Variants in NCOA1 observed in about 807,000 individuals in gnomAD.
NCOA1 encodes the protein nuclear receptor coactivator 1.
Under a neutral mutation model 150.9 loss-of-function variants are expected in NCOA1, and 35 were observed. The ratio of observed to expected loss-of-function variants is 0.23; its 90% CI spans 0.18 to 0.31. The LOEUF is 0.31. NCOA1 is among the 10% of genes least tolerant of loss of function. The pLI, the probability that NCOA1 is intolerant of heterozygous loss-of-function variation, is 1.00. For synonymous variants in NCOA1, 590 were observed against 630.0 expected (o/e 0.94, Z 0.95); for missense variants, 1,491 against 1,749.3 (o/e 0.85, Z 2.63).
chr2:24,704,780 A>G (rs1326563746), intron 11 of NCOA1, among the ~76,000 whole-genome samples: 2 of 151,954 alleles, frequency 1.3e-5, no homozygotes, highest in African/African-American at 4.8e-5. Context: ...CTCAAAAGAA[A>G]AAAAAAAAAA....
At chr2:24,751,876 A>G in intron 19 of NCOA1, 106 bp from the exon 20 acceptor site, 1 of 1,086,094 alleles carries the variant, frequency 9.2e-7, no homozygotes, top group South Asian at 1.9e-5. Flanking sequence ...GGCAAATAAG[A>G]AAGTTATTTG....
At chr2:24,569,747 G>A (rs1443463834) in intron 2 of NCOA1, among the ~76,000 whole-genome samples, 1 of 150,614 alleles carries the variant, frequency 6.6e-6, no homozygotes, top group Non-Finnish European at 1.5e-5. Flanking sequence ...GCAGGCGCCC[G>A]TAATCCCAGC....
At chr2:24,556,828 C>T (rs1212152392) in intron 1 of NCOA1, among the ~76,000 whole-genome samples, 1 of 152,042 alleles carries the variant, frequency 6.6e-6, no homozygotes, top group African/African-American at 2.4e-5. Context: ...GGCGATTCCC[C>T]AAAGACCTAG....
chr2:24,624,826 T>C (rs1669335039), intron 3 of NCOA1, among the ~76,000 whole-genome samples: 1 of 152,168 alleles, frequency 6.6e-6, no homozygotes, highest in Non-Finnish European at 1.5e-5. Flanking sequence ...TTGGGGTGGA[T>C]GCATGAATTG....
chr2:24,625,364 CAAAAAAAA>C (rs35143423), intron 3 of NCOA1, among the ~76,000 whole-genome samples: 15 of 82,184 alleles, frequency 1.8e-4, no homozygotes, highest in Non-Finnish European at 3.8e-4. Flanking sequence ...GACTCTGCCT[CAAAAAAAA>C]AAAAAAAAAA....
At chr2:24,716,446 A>C (rs1036783020) in intron 14 of NCOA1, among the ~76,000 whole-genome samples, 1 of 152,182 alleles carries the variant, frequency 6.6e-6, no homozygotes, top group African/African-American at 2.4e-5. Context: ...AAGGTAATTA[A>C]ACAAAGAATA....
Position 24,558,323 on chromosome 2 carries a change from C to T in NCOA1, c.-395-5972C>T, listed in dbSNP as rs562512494. ...GGAAAACTGTATTAGTCCATTTTCA[C>T]GCTGCTGATAAAGACATACCCGAGA... On this transcript the variant is annotated intron_variant, in intron 1 of 22. Transcript: ENST00000348332. Among the ~76,000 whole-genome samples, 30 of 152,224 alleles carry T rather than the reference C, an allele frequency of 2.0e-4. No homozygotes were observed. The South Asian group carries it at 2.1e-3, about 11-fold the overall frequency.
At chr2:24,494,779 T>C (rs1663129708) in intron 1 of NCOA1, among the ~76,000 whole-genome samples, 1 of 152,150 alleles carries the variant, frequency 6.6e-6, no homozygotes, top group Non-Finnish European at 1.5e-5. Flanking sequence ...TGCAGAACCG[T>C]ATAAATTTCT....
intron 3 of NCOA1, among the ~76,000 whole-genome samples, chr2:24,640,604 TCAAGACCAGCCTGGG>T (rs535112243): frequency 9.7e-4 from 148 of 152,254 alleles, no homozygotes; most frequent in Non-Finnish European, 1.7e-3. Flanking sequence ...GCCTGGGAGC[TCAAGACCAGCCTGGG>T]CAAGACCCCA....
At chr2:24,724,080 T>TTTTTGTTTTG (rs200648819) in intron 14 of NCOA1, among the ~76,000 whole-genome samples, 4,079 of 151,730 alleles carry the variant, frequency 0.027, 107 homozygotes, top group African/African-American at 0.068. Context: ...TTTTGTTTGT[T>TTTTTGTTTTG]TTTTGTTTTG....
chr2:24,705,210 C>T lies in NCOA1; in HGVS notation c.1074C>T (p.Ile358=). The T allele has an allele frequency of 1.2e-6, 2 of 1,613,914 alleles. No individual in the cohort carries two copies. Among genetic ancestry groups the T allele is most frequent in the Non-Finnish European group, 1.7e-6 (2 of 1,179,802 alleles). Residue 358 remains isoleucine, a synonymous_variant, in exon 12 of 23, where the codon ATC becomes ATT. Transcript: ENST00000348332. ...AAAGTCCAGACATGCAACCTTTCAT[C>T]ATGGGAATTCATATCATCGACAGGT... ...YPQSPDMQPF[I]MGIHIIDREH... is the part of the protein sequence containing the mutation.
intron 1 of NCOA1, among the ~76,000 whole-genome samples, chr2:24,562,515 A>G (rs1666329384): frequency 6.6e-6 from 1 of 152,208 alleles, no homozygotes; most frequent in Non-Finnish European, 1.5e-5. Flanking sequence ...CCTCGATTCC[A>G]TTCCACCCCT....
intron 3 of NCOA1, among the ~76,000 whole-genome samples, chr2:24,635,778 T>C: frequency 6.6e-6 from 1 of 152,216 alleles, no homozygotes; most frequent in East Asian, 1.9e-4. Context: ...CTAATCTAAC[T>C]ATAAATCCCT....
At chr2:24,659,756 TG>T (rs1382831310) in intron 5 of NCOA1, among the ~76,000 whole-genome samples, 1 of 152,102 alleles carries the variant, frequency 6.6e-6, no homozygotes, top group African/African-American at 2.4e-5. Flanking sequence ...TTTTTTGTTG[TG>T]GGGGAGCTGT....
In NCOA1 at chr2:24,673,587, A is replaced by G. The variant is rs1572573211; in HGVS notation, c.354+124A>G. 5 of 541,680 alleles carry G rather than the reference A, an allele frequency of 9.2e-6. 1 individual carries two copies. The East Asian group carries it at 1.8e-4, about 20-fold the overall frequency. 33.6% of individuals were successfully genotyped at this position (541,680 alleles called of 1,614,324 possible). On this transcript the variant is annotated intron_variant, in intron 7 of 22. Coordinates refer to ENST00000348332, the MANE Select transcript of NCOA1 (RefSeq NM_003743.5). ...AAAACAAAGTAAAGAACTTTTTATA[A>G]TTATTTTATTATGAGAACTATTTGA... is the stretch of plus-strand genomic sequence containing the variant.
chr2:24,561,511 G>A (rs1169971553), intron 1 of NCOA1, among the ~76,000 whole-genome samples: 5 of 152,264 alleles, frequency 3.3e-5, no homozygotes, highest in Non-Finnish European at 7.4e-5. Context: ...TACAAAGTTT[G>A]GAAAATTGTG....
rs772958180 is a variant in NCOA1, at chr2:24,705,045, G to C, written c.950-41G>C. Reference sequence around the variant, plus strand: ...CTGGTGACTTAAAGCCAGCGTATAAGTATCAGAATTTTAACTAGGTTTCTC... The same window carrying C: ...CTGGTGACTTAAAGCCAGCGTATAACTATCAGAATTTTAACTAGGTTTCTC... On this transcript the variant is annotated intron_variant, in intron 11 of 22. Coordinates refer to ENST00000348332, the MANE Select transcript of NCOA1 (RefSeq NM_003743.5). 1.9e-6 allele frequency: 3 copies of C among 1,595,756 alleles called. No individual in the cohort carries two copies. In the African/African-American group the frequency reaches 4.0e-5, roughly 21 times the overall value.
Position 24,707,528 on chromosome 2 carries a change from G to A in NCOA1, c.2058G>A (p.Arg686=), listed in dbSNP as rs1383174531. The stretch of plus-strand genomic sequence containing the variant: ...CTTCTCATAGCTCATTGACAGAACG[G>A]CATAAAATTCTACACCGGCTCTTAC... ...CPSSHSSLTE[R]HKILHRLLQE... Residue 686 remains arginine (R), a synonymous_variant, in exon 13 of 23, where the codon CGG becomes CGA. Coordinates refer to ENST00000348332, the MANE Select transcript of NCOA1 (RefSeq NM_003743.5). 1 of 1,614,156 alleles carries A rather than the reference G, an allele frequency of 6.2e-7. No individual in the cohort carries two copies. Among genetic ancestry groups the A allele is most frequent in the East Asian group, 2.2e-5 (1 of 44,878 alleles).
intron 14 of NCOA1, among the ~76,000 whole-genome samples, chr2:24,712,068 T>C (rs1374735253): frequency 6.6e-6 from 1 of 152,200 alleles, no homozygotes. Flanking sequence ...TGTGACATTT[T>C]TGGAGGCAGT....
Sources: allele counts gnomAD v4.1 joint callset (sites outside exome capture counted in the v4.1 genomes callset), GRCh38; gene constraint gnomAD v4.1.1; transcripts MANE v1.5; gene names NCBI Gene and HGNC (gene_info 2026-07-23, HGNC 2026-07-21).